The following TCP10L variants were observed in gnomAD, a reference collection of about 807,000 sequenced individuals.
TCP10L encodes the protein t-complex 10 like.
TCP10L carries 11 observed loss-of-function variants against 19.2 expected under a neutral mutation model. That is an observed-to-expected ratio of 0.57 (90% CI 0.36 to 0.95). The LOEUF (loss-of-function observed/expected upper bound fraction) is 0.95. TCP10L is among the 40% of genes least tolerant of loss of function. TCP10L has a pLI of 0.01. For synonymous variants in TCP10L, 96 were observed against 97.2 expected, an observed-to-expected ratio of 0.99 and a Z score of 0.07; for missense variants, 247 against 263.9, an observed-to-expected ratio of 0.94 and a Z score of 0.44.
chr21:32,578,822 G>A lies in TCP10L; in HGVS notation c.370C>T (p.Pro124Ser), dbSNP rs151145460. ...GQESHTLALE[P>S]AFGKISPLSA... Reference sequence around the variant, plus strand: ...AGAGGTGAAATTTTTCCAAAAGCAGGTTCCAATGCCTAAAAGACAAAATGC... The same window carrying A: ...AGAGGTGAAATTTTTCCAAAAGCAGATTCCAATGCCTAAAAGACAAAATGC... The change falls in exon 4 of 5, where the codon CCT becomes TCT. Residue 124 changes from proline (P) to serine (S), a missense_variant. Physicochemically the swap from Pro to Ser is moderately conservative, Grantham distance 74. Coordinates refer to ENST00000300258, the MANE Select transcript of TCP10L (RefSeq NM_144659.7). The surrounding 1 kb of genome is among the most constrained non-coding windows in gnomAD (Gnocchi z 4.2). 121 of 1,613,982 alleles carry A rather than the reference G, an allele frequency of 7.5e-5. No individual in the cohort carries two copies. Among genetic ancestry groups the A allele is most frequent in the Middle Eastern group, 1.6e-4 (1 of 6,084 alleles).
intron 1 of TCP10L, 39 bp from the exon 2 acceptor site, chr21:32,584,344 CA>C: frequency 6.3e-7 from 1 of 1,596,150 alleles, no homozygotes; most frequent in Non-Finnish European, 8.5e-7. Flanking sequence ...CACTTGAATG[CA>C]GCCCTCCTAC....
intron 3 of TCP10L, among the ~76,000 whole-genome samples, chr21:32,579,653 G>C (rs2038470492): frequency 6.6e-6 from 1 of 152,312 alleles, no homozygotes; most frequent in Non-Finnish European, 1.5e-5. Flanking sequence ...AATTCACCAA[G>C]CTCTAATCTC....
Position 32,582,380 on chromosome 21 carries a change from C to T in TCP10L, c.180G>A (p.Glu60=), listed in dbSNP as rs537640146. The change falls in exon 3 of 5, where the codon GAG becomes GAA. Residue 60 remains glutamate (E), a synonymous_variant. Coordinates refer to ENST00000300258, the MANE Select transcript of TCP10L (RefSeq NM_144659.7). The surrounding 1 kb of genome is among the most constrained non-coding windows in gnomAD (Gnocchi z 4.2). ...CCCACAGAGACTTCTGTCTCCCAAG[C>T]TCTTGGTGGAGTCTGATGATCTGCT... The part of the protein sequence containing the change: ...LQQQIIRLHQ[E]LGRQKSLWAD... 2.0e-5 allele frequency: 33 copies of T among 1,613,848 alleles called. No individual in the cohort carries two copies. In the East Asian group the frequency reaches 6.5e-4, roughly 32 times the overall value.
chr21:32,583,994 G>A (rs1371649616), intron 2 of TCP10L, among the ~76,000 whole-genome samples, 167 bp downstream of exon 2: 1 of 152,212 alleles, frequency 6.6e-6, no homozygotes, highest in Non-Finnish European at 1.5e-5. Flanking sequence ...CGGTTGCAGA[G>A]GGGGAAAGAG....
intron 3 of TCP10L, among the ~76,000 whole-genome samples, chr21:32,579,612 G>A (rs564141370): frequency 3.8e-4 from 58 of 152,310 alleles, no homozygotes; most frequent in African/African-American, 1.4e-3. Flanking sequence ...ACGGTGACCA[G>A]TGCAATGCAC....
At chr21:32,584,606 GTGTGAGCCGGTGTGAGTGGGA>G (rs2038537949) in intron 1 of TCP10L, among the ~76,000 whole-genome samples, 1 of 152,152 alleles carries the variant, frequency 6.6e-6, no homozygotes. Context: ...TGTGAGTGGG[GTGTGAGCCGGTGTGAGTGGGA>G]TGTGAGTGGG....
chr21:32,583,912 A>G (rs1396280774), intron 2 of TCP10L, among the ~76,000 whole-genome samples: 2 of 152,170 alleles, frequency 1.3e-5, no homozygotes, highest in Non-Finnish European at 2.9e-5. Flanking sequence ...CTTCTCCTGG[A>G]TTAGAGGAGA....
chr21:32,576,842 GT>G lies in TCP10L; in HGVS notation c.579del (p.Arg193SerfsTer47), dbSNP rs1568979130. 1 of 1,614,100 alleles carries G rather than the reference GT, an allele frequency of 6.2e-7. No homozygotes were observed. Among genetic ancestry groups the G allele is most frequent in the Non-Finnish European group, 8.5e-7 (1 of 1,180,016 alleles). ...QENRDKNLSR[R>X]RQDRRATPTG... ...GTAGGTGTTGCTCTTCTGTCTTGAC[GT>G]CTCCTGGAAAGATTTTTATCTCTAT... On this transcript the variant is annotated frameshift_variant, in exon 5 of 5. Coordinates refer to ENST00000300258, the MANE Select transcript of TCP10L (RefSeq NM_144659.7). LOFTEE classifies it low-confidence loss of function (END_TRUNC).
chr21:32,576,304 C>G lies in TCP10L; in HGVS notation c.*470G>C, dbSNP rs938563498. On this transcript the variant is annotated 3_prime_UTR_variant, in exon 5 of 5. Transcript: ENST00000300258. ...TCTGCCACTCAAGTTTTGCAGACTT[C>G]GGGAAGATGGATGCATAGCCTGGGG... 2 of 1,565,642 alleles carry G rather than the reference C, an allele frequency of 1.3e-6. No individual in the cohort carries two copies. Among genetic ancestry groups the G allele is most frequent in the African/African-American group, 2.7e-5 (2 of 73,890 alleles).
At chr21:32,583,480 G>T (rs372078766) in intron 2 of TCP10L, among the ~76,000 whole-genome samples, 4,349 of 150,052 alleles carry the variant, frequency 0.029, 186 homozygotes, top group African/African-American at 0.1. Context: ...TCCCAGCTAC[G>T]TGGGAGGCTG....
At chr21:32,577,420 TC>T (rs771945071) in intron 4 of TCP10L, 45 of 152,850 alleles carry the variant, frequency 2.9e-4, no homozygotes, top group Non-Finnish European at 4.7e-4. Flanking sequence ...AAGGCTCTTT[TC>T]CTACTTGTGA....
chr21:32,578,689 G>C lies in TCP10L; in HGVS notation c.498+5C>G. 1.2e-6 allele frequency: 2 copies of C among 1,613,048 alleles called. No homozygotes were observed. The highest frequency in any genetic ancestry group is 1.7e-6 in the Non-Finnish European group (2 of 1,179,712). ...TCTTTACAGATGATAAGCACAAAGG[G>C]TCACCTTTGGAGGAGCTGAATTGTT... is the stretch of plus-strand genomic sequence containing the variant. On this transcript the variant is annotated splice_donor_5th_base_variant and intron_variant, in intron 4 of 4. Transcript: ENST00000300258. The surrounding 1 kb of genome is among the most constrained non-coding windows in gnomAD (Gnocchi z 4.2).
Position 32,578,104 on chromosome 21 carries a change from C to G in TCP10L, c.498+590G>C, listed in dbSNP as rs1601122086. Among the ~76,000 whole-genome samples the G allele has an allele frequency of 6.6e-6, 1 of 152,246 alleles. No homozygotes were observed. The highest frequency in any genetic ancestry group is 2.4e-5 in the African/African-American group (1 of 41,460). ...TGCCATCATTCTGGTAAACCCACAA[C>G]CTTCAGCGTGGGCATCATGGCCATC... On this transcript the variant is annotated intron_variant, in intron 4 of 4. Transcript: ENST00000300258. The surrounding 1 kb of genome is among the most constrained non-coding windows in gnomAD (Gnocchi z 4.2).
chr21:32,580,205 A>G (rs1470934945), intron 3 of TCP10L, among the ~76,000 whole-genome samples: 1 of 151,968 alleles, frequency 6.6e-6, no homozygotes, highest in Admixed American at 6.6e-5. Flanking sequence ...TCCCTGATTC[A>G]GGCCATTCTC....
chr21:32,576,991 C>T, intron 4 of TCP10L, 68 bp from the exon 5 acceptor site: 2 of 1,481,002 alleles, frequency 1.4e-6, no homozygotes, highest in Non-Finnish European at 1.8e-6. Flanking sequence ...TTAAGCAACA[C>T]ATCATACCAG....
Position 32,576,280 on chromosome 21 carries a change from C to A in TCP10L, c.*494G>T. The A allele has an allele frequency of 6.3e-7, 1 of 1,575,806 alleles. No homozygotes were observed. ...CTGGGAAGCCTGCACTGGTGATTTT[C>A]TGCCACTCAAGTTTTGCAGACTTCG... On this transcript the variant is annotated 3_prime_UTR_variant, in exon 5 of 5. Transcript: ENST00000300258.
intron 1 of TCP10L, among the ~76,000 whole-genome samples, chr21:32,584,863 T>C (rs1338677776): frequency 6.6e-6 from 1 of 152,068 alleles, no homozygotes; most frequent in Middle Eastern, 3.2e-3. Context: ...ACCATCAGGG[T>C]GACATTTGTG....
At chr21:32,579,800 A>G (rs2038471854) in intron 3 of TCP10L, among the ~76,000 whole-genome samples, 1 of 152,178 alleles carries the variant, frequency 6.6e-6, no homozygotes, top group Non-Finnish European at 1.5e-5. Context: ...CAATATATGT[A>G]GGGAAAAAAA....
intron 2 of TCP10L, among the ~76,000 whole-genome samples, chr21:32,583,506 G>A (rs982911274): frequency 4.7e-5 from 7 of 149,288 alleles, no homozygotes; most frequent in Admixed American, 2.7e-4. Context: ...GGAGAATGGC[G>A]TGAACCCGGG....
Sources: allele counts gnomAD v4.1 joint callset (sites outside exome capture counted in the v4.1 genomes callset), GRCh38; gene constraint gnomAD v4.1.1; non-coding constraint Gnocchi (gnomAD v3.1); transcripts MANE v1.5; gene names NCBI Gene and HGNC (gene_info 2026-07-23, HGNC 2026-07-21).